MTMR6: variants seen among roughly 807,000 people sequenced by gnomAD.
The protein encoded by MTMR6 is myotubularin related protein 6.
In MTMR6, 47 loss-of-function variants were observed where a neutral mutation model predicts 80.1. The ratio of observed to expected loss-of-function variants is 0.59; its 90% confidence interval spans 0.46 to 0.75. The LOEUF (loss-of-function observed/expected upper bound fraction) is 0.75, where lower values mean the gene tolerates loss of function less well. Among genes scored for constraint, MTMR6 ranks in the 30% least tolerant of loss-of-function variants. MTMR6 has a pLI of 0.00. For synonymous variants in MTMR6, 254 were observed against 253.0 expected (o/e 1.00, Z -0.04); for missense variants, 629 against 730.9 (o/e 0.86, Z 1.61).
In MTMR6 at chr13:25,268,518, T is replaced by C. The variant is rs529427756; in HGVS notation, c.142-577A>G. Among the ~76,000 whole-genome samples the C allele has an allele frequency of 1.4e-3, 220 of 152,288 alleles. 3 individuals carry two copies. Among genetic ancestry groups the C allele is most frequent in the Middle Eastern group, 0.01 (3 of 294 alleles). On this transcript the variant is annotated intron_variant, in intron 2 of 13. Coordinates refer to ENST00000381801, the MANE Select transcript of MTMR6 (RefSeq NM_004685.5). ...ACTGGAATACTGTTAACACTACCTC[T>C]TCATCTAAGAACTTCTAGACACATT...
At chr13:25,274,005 A>G (rs1957644287) in intron 2 of MTMR6, 66 bp downstream of exon 2, 1 of 1,152,898 alleles carries the variant, frequency 8.7e-7, no homozygotes, top group African/African-American at 1.6e-5. Flanking sequence ...TACACATTCA[A>G]AATAAAACAT....
rs764403960 is a variant in MTMR6 at position 25,249,411 on chromosome 13, T to A, written c.1687A>T (p.Asn563Tyr). 1 of 1,614,116 alleles carries A rather than the reference T, an allele frequency of 6.2e-7. No homozygotes were observed. The highest frequency in any genetic ancestry group is 1.7e-5 in the Admixed American group (1 of 60,030). Residue 563 changes from asparagine to tyrosine, a missense_variant, in exon 14 of 14, where the codon AAC becomes TAC. By Grantham distance (143) the Asn-to-Tyr change is moderately radical. Transcript: ENST00000381801. ...LLHSVHPESP[N>Y]LKTSLCFKEQ... ...TTAAAACACAGGGAAGTTTTGAGGT[T>A]AGGTGATTCAGGATGAACTGAATGT...
At chr13:25,260,780 A>T in intron 6 of MTMR6, 1 of 525,444 alleles carries the variant, frequency 1.9e-6, no homozygotes, top group Non-Finnish European at 2.6e-6. Flanking sequence ...TTGTTTAACT[A>T]TGTTAATAAA....
rs1384493319 is a variant in MTMR6 at position 25,257,279 on chromosome 13, C to T, written c.1012G>A (p.Asp338Asn). ...ACCTGGGAAGTCCTATCCCAACCATCGGAACAATGCACCAACACACTTGCA... is the reference window on the plus strand; with the variant it reads ...ACCTGGGAAGTCCTATCCCAACCATTGGAACAATGCACCAACACACTTGCA... ...ENASVLVHCS[D>N]GWDRTSQVCS... is the part of the protein sequence containing the mutation. Residue 338 changes from aspartate (D) to asparagine (N), a missense_variant, in exon 9 of 14, where the codon GAT becomes AAT. By Grantham distance (23) the Asp-to-Asn change is conservative. Coordinates refer to ENST00000381801, the MANE Select transcript of MTMR6 (RefSeq NM_004685.5). The T allele has an allele frequency of 4.3e-6, 7 of 1,613,794 alleles. No homozygotes were observed. The highest frequency in any genetic ancestry group is 1.1e-5 in the South Asian group (1 of 91,074).
intron 9 of MTMR6, among the ~76,000 whole-genome samples, chr13:25,256,169 A>G (rs951205990): frequency 6.6e-6 from 1 of 152,080 alleles, no homozygotes; most frequent in African/African-American, 2.4e-5. Flanking sequence ...TCTGAACTCC[A>G]TCCATCACAC....
intron 9 of MTMR6, 94 bp downstream of exon 9, chr13:25,257,102 T>A: frequency 1.5e-6 from 2 of 1,312,858 alleles, no homozygotes; most frequent in East Asian, 5.1e-5. Flanking sequence ...TTTCCTTTAG[T>A]GCAAAACTGT....
chr13:25,257,983 T>C (rs565448448), intron 7 of MTMR6, 138 bp from the exon 8 acceptor site: 2 of 522,284 alleles, frequency 3.8e-6, no homozygotes, highest in East Asian at 3.4e-5. Context: ...AAAGATGCTA[T>C]TAAAAGCTCA....
chr13:25,264,753 C>CAA (rs769719876), intron 5 of MTMR6, among the ~76,000 whole-genome samples: 1,379 of 31,314 alleles, frequency 0.044, 53 homozygotes, highest in African/African-American at 0.11. Context: ...AACTCCATCT[C>CAA]AAAAAAAAAA....
chr13:25,263,284 G>GA (rs1467471981), intron 5 of MTMR6, among the ~76,000 whole-genome samples: 2 of 152,046 alleles, frequency 1.3e-5, no homozygotes, highest in Non-Finnish European at 2.9e-5. Context: ...GTATATAACT[G>GA]AAAAAAAGGA....
chr13:25,282,955 T>C (rs985527235), intron 1 of MTMR6, among the ~76,000 whole-genome samples: 1 of 151,990 alleles, frequency 6.6e-6, no homozygotes, highest in Admixed American at 6.6e-5. Context: ...AGTCTCAACA[T>C]ATTCTCCTTG....
At chr13:25,274,941 C>CAGACACACACACACAT (rs113746536) in intron 1 of MTMR6, among the ~76,000 whole-genome samples, 10 of 130,610 alleles carry the variant, frequency 7.7e-5, no homozygotes, top group South Asian at 2.6e-4. Context: ...AGTAGACAGA[C>CAGACACACACACACAT]ACACACACAC....
chr13:25,251,293 T>A lies in MTMR6; in HGVS notation c.1605+356A>T, dbSNP rs986942150. On this transcript the variant is annotated intron_variant, in intron 13 of 13. Transcript: ENST00000381801. This position sits in a 1 kb window ranked among gnomAD's most constrained non-coding sequence, Gnocchi z 4.1. ...GCCTCGGCCTCCCAAAGTGCTGGGA[T>A]TACAGGCGTGAGCCACTGCGCCCGG... 5.3e-5 allele frequency among the ~76,000 whole-genome samples: 8 copies of A among 152,298 alleles called. No individual in the cohort carries two copies. In the East Asian group the frequency reaches 1.2e-3, roughly 22 times the overall value.
intron 1 of MTMR6, among the ~76,000 whole-genome samples, chr13:25,275,008 T>TG (rs1566042806): frequency 6.0e-5 from 3 of 49,644 alleles, no homozygotes; most frequent in Non-Finnish European, 1.9e-4. Context: ...ACACACACAC[T>TG]ATGTTGCTGC....
intron 6 of MTMR6, chr13:25,260,484 A>G (rs1211104374): frequency 1.8e-6 from 1 of 552,612 alleles, no homozygotes; most frequent in Admixed American, 4.6e-5. Context: ...ATCTTTTGTG[A>G]AATTGCATAA....
intron 1 of MTMR6, among the ~76,000 whole-genome samples, chr13:25,280,105 GAAGA>G: frequency 6.6e-6 from 1 of 152,280 alleles, no homozygotes. Context: ...ATAACGGAAG[GAAGA>G]AAGGAGGAAA....
intron 1 of MTMR6, among the ~76,000 whole-genome samples, chr13:25,286,169 G>A (rs1281226383): frequency 6.6e-6 from 1 of 151,920 alleles, no homozygotes; most frequent in African/African-American, 2.4e-5. Flanking sequence ...TATGCACAAT[G>A]TTAAAGACAA....
At chr13:25,269,641 T>C (rs1159834371) in intron 2 of MTMR6, among the ~76,000 whole-genome samples, 1 of 152,004 alleles carries the variant, frequency 6.6e-6, no homozygotes, top group Non-Finnish European at 1.5e-5. Flanking sequence ...GGATGATTAT[T>C]TATATAATAC....
chr13:25,279,343 G>A (rs1369258279), intron 1 of MTMR6, among the ~76,000 whole-genome samples: 1 of 152,078 alleles, frequency 6.6e-6, no homozygotes, highest in Non-Finnish European at 1.5e-5. Flanking sequence ...ACCATGAGAA[G>A]ACGTGTCTTG....
At chr13:25,255,220 T>C (rs1024489003) in intron 9 of MTMR6, among the ~76,000 whole-genome samples, 1 of 152,278 alleles carries the variant, frequency 6.6e-6, no homozygotes, top group Non-Finnish European at 1.5e-5. Flanking sequence ...TATACACTGA[T>C]GTGGCTGAGG....
Sources: allele counts gnomAD v4.1 joint callset (sites outside exome capture counted in the v4.1 genomes callset), GRCh38; gene constraint gnomAD v4.1.1; non-coding constraint Gnocchi (gnomAD v3.1); transcripts MANE v1.5; gene names NCBI Gene and HGNC (gene_info 2026-07-23, HGNC 2026-07-21).